The following CAND2 variants were observed in gnomAD, a reference collection of about 807,000 sequenced individuals.
CAND2 encodes the protein cullin associated and neddylation dissociated 2 (putative).
A neutral mutation model predicts 98.9 loss-of-function variants in CAND2; 62 were observed. The ratio of observed to expected loss-of-function variants is 0.63; its 90% CI spans 0.51 to 0.77. The LOEUF is 0.77. Ranked by LOEUF, CAND2 falls within the 30% of genes least tolerant of loss-of-function variation. The pLI, the probability that CAND2 is intolerant of heterozygous loss-of-function variation, is 0.00. For missense variants in CAND2, 1,501 were observed against 1,655.2 expected, an observed-to-expected ratio of 0.91 and a Z score of 1.62; for synonymous variants, 770 against 731.9, an observed-to-expected ratio of 1.05 and a Z score of -0.84.
intron 12 of CAND2, among the ~76,000 whole-genome samples, chr3:12,826,397 G>T (rs1326740490): frequency 1.3e-5 from 2 of 150,930 alleles, no homozygotes; most frequent in African/African-American, 2.4e-5. Context: ...AGGGCTTCAT[G>T]GTTGAAAGCT....
intron 4 of CAND2, 144 bp from the exon 5 acceptor site, chr3:12,809,915 C>A: frequency 1.2e-6 from 1 of 847,188 alleles, no homozygotes; most frequent in Non-Finnish European, 1.7e-6. Flanking sequence ...TTCCTCCTCA[C>A]AGTTGCAGGG....
At chr3:12,812,466 G>A (rs1277607688) in intron 5 of CAND2, among the ~76,000 whole-genome samples, 4 of 135,790 alleles carry the variant, frequency 2.9e-5, no homozygotes, top group Non-Finnish European at 6.2e-5. Context: ...CTGCAGTGGC[G>A]CAATCTCGGC....
At position 12,810,311 on chromosome 3, in the gene CAND2, C is replaced by A. The variant is rs532472799; in HGVS notation, c.744C>A (p.Ala248=). The A allele has an allele frequency of 5.3e-5, 77 of 1,456,386 alleles. No homozygotes were observed. The South Asian group carries it at 9.1e-4, about 17-fold the overall frequency. The allele number at this position is 1,456,386 out of a possible 1,614,324, so 90.2% of individuals were successfully genotyped here. Residue 248 remains alanine (A), a synonymous_variant, in exon 5 of 15, where the codon GCC becomes GCA. Transcript: ENST00000456430. ...IQCLGSVGRQ[A]GHRLGAHLDR... ...GTTTGGGCAGCGTCGGCCGCCAGGCCGGCCACCGCCTCGGTAAGGGGGCAG... is the reference window on the plus strand; with the variant it reads ...GTTTGGGCAGCGTCGGCCGCCAGGCAGGCCACCGCCTCGGTAAGGGGGCAG...
intron 12 of CAND2, 84 bp downstream of exon 12, chr3:12,825,723 C>A: frequency 7.1e-7 from 1 of 1,412,248 alleles, no homozygotes; most frequent in South Asian, 1.3e-5. Flanking sequence ...ATTATCTCAT[C>A]AGAGCAGGTG....
Position 12,815,330 on chromosome 3 carries a change from C to A in CAND2, c.1196C>A (p.Ala399Asp). 1 of 1,614,024 alleles carries A rather than the reference C, an allele frequency of 6.2e-7. No homozygotes were observed. The highest frequency in any genetic ancestry group is 8.5e-7 in the Non-Finnish European group (1 of 1,180,046). Reference sequence around the variant, plus strand: ...AACGTCAAGGCTGACGTCTTCACTGCTTACATCGTGCTGCTGCGGCAAACA... The same window carrying A: ...AACGTCAAGGCTGACGTCTTCACTGATTACATCGTGCTGCTGCGGCAAACA... ...EENVKADVFT[A>D]YIVLLRQTQP... Residue 399 changes from alanine (A) to aspartate (D), a missense_variant, in exon 8 of 15, where the codon GCT becomes GAT. Transcript: ENST00000456430. The surrounding 1 kb of genome is among the most constrained non-coding windows in gnomAD (Gnocchi z 5.7).
At chr3:12,797,920 C>T (rs1283848614) in intron 1 of CAND2, among the ~76,000 whole-genome samples, 1 of 152,038 alleles carries the variant, frequency 6.6e-6, no homozygotes, top group Non-Finnish European at 1.5e-5. Context: ...CTCCTGCAGC[C>T]CATTCCTCAG....
At chr3:12,804,334 G>A (rs1177659285) in intron 2 of CAND2, among the ~76,000 whole-genome samples, 3 of 151,998 alleles carry the variant, frequency 2.0e-5, no homozygotes, top group Non-Finnish European at 2.9e-5. Context: ...ATGGTGGTGC[G>A]TGCCTGTAAT....
At chr3:12,819,386 G>A (rs2061936150) in intron 10 of CAND2, among the ~76,000 whole-genome samples, 1 of 152,336 alleles carries the variant, frequency 6.6e-6, no homozygotes. Context: ...GGAGCAAAGG[G>A]GGCGAGCCAC....
At chr3:12,799,435 T>C (rs6810325) in intron 1 of CAND2, among the ~76,000 whole-genome samples, 99,547 of 152,004 alleles carry the variant, frequency 0.65, 33,870 homozygotes, top group African/African-American at 0.8. Context: ...CTTTTCCTTC[T>C]CTCTCCCATC....
intron 4 of CAND2, 137 bp from the exon 5 acceptor site, chr3:12,809,922 A>T: frequency 1.1e-6 from 1 of 906,974 alleles, no homozygotes; most frequent in Non-Finnish European, 1.5e-6. Flanking sequence ...TCACAGTTGC[A>T]GGGCACCTCT....
In CAND2 at chr3:12,816,004, A is replaced by G. The variant is rs2061896290; in HGVS notation, c.1437A>G (p.Val479=). ...GSLAEHMPVL[V]SGIIFSLADR... ...TGGCCGAGCATATGCCTGTGCTGGT[A>G]TCAGGTAGGCTGGACTGCAACCAGG... The change falls in exon 9 of 15, where the codon GTA becomes GTG. Residue 479 remains valine (V), a synonymous_variant. Coordinates refer to ENST00000456430, the MANE Select transcript of CAND2 (RefSeq NM_001162499.2). The G allele has an allele frequency of 6.2e-7, 1 of 1,613,278 alleles. No individual in the cohort carries two copies. Among genetic ancestry groups the G allele is most frequent in the East Asian group, 2.2e-5 (1 of 44,872 alleles).
In CAND2 at chr3:12,815,340, G is replaced by A. The variant is rs1575771340; in HGVS notation, c.1206G>A (p.Val402=). 6.2e-7 allele frequency: 1 copy of A among 1,613,998 alleles called. No homozygotes were observed. The highest frequency in any genetic ancestry group is 1.1e-5 in the South Asian group (1 of 91,086). The change falls in exon 8 of 15, where the codon GTG becomes GTA. Residue 402 remains valine (V), a synonymous_variant. Transcript: ENST00000456430. The surrounding 1 kb of genome is among the most constrained non-coding windows in gnomAD (Gnocchi z 5.7). ...VKADVFTAYI[V]LLRQTQPPKG... ...CTGACGTCTTCACTGCTTACATCGT[G>A]CTGCTGCGGCAAACACAGCCCCCGA...
chr3:12,799,590 G>A (rs1294480125), intron 1 of CAND2, among the ~76,000 whole-genome samples: 3 of 152,102 alleles, frequency 2.0e-5, no homozygotes, highest in Non-Finnish European at 2.9e-5. Flanking sequence ...TCTGTTAAGG[G>A]CTAGCTCTCT....
In CAND2 at chr3:12,833,847, C is replaced by T. The variant is rs1203533712; in HGVS notation, c.3576C>T (p.Pro1192=). 8.1e-6 allele frequency: 13 copies of T among 1,614,074 alleles called. No individual in the cohort carries two copies. The Admixed American group carries it at 1.2e-4, about 14-fold the overall frequency. ...CAGTGGCTGCCCTGCTGACCATCCC[C>T]GAGGTGGGGAAAAGCCCCATCATGG... ...MRAVAALLTI[P]EVGKSPIMAD... Residue 1192 remains proline (P), a synonymous_variant, in exon 15 of 15, where the codon CCC becomes CCT. Transcript: ENST00000456430.
chr3:12,802,056 G>A (rs1054639039), intron 1 of CAND2, among the ~76,000 whole-genome samples: 1 of 152,080 alleles, frequency 6.6e-6, no homozygotes, highest in Non-Finnish European at 1.5e-5. Flanking sequence ...GGCTGGGCGC[G>A]GTGGCTCACG....
chr3:12,813,807 G>A (rs2061874383), intron 7 of CAND2, among the ~76,000 whole-genome samples: 1 of 152,184 alleles, frequency 6.6e-6, no homozygotes, highest in South Asian at 2.1e-4. Flanking sequence ...ACCCAGCAGA[G>A]GAAAGCTCTG....
Position 12,808,193 on chromosome 3 carries a change from C to T in CAND2, c.368-17C>T. The T allele has an allele frequency of 1.3e-6, 2 of 1,550,626 alleles. No individual in the cohort carries two copies. The highest frequency in any genetic ancestry group is 1.7e-4 in the Middle Eastern group (1 of 5,896). ...CCAGGCCAGGGCCTCACTGTGCCCA[C>T]CTTGTGCCCTGTGCAGGCTCCGGGC... On this transcript the variant is annotated splice_polypyrimidine_tract_variant and intron_variant, in intron 3 of 14. Coordinates refer to ENST00000456430, the MANE Select transcript of CAND2 (RefSeq NM_001162499.2).
At chr3:12,831,397 T>C in intron 13 of CAND2, 68 bp from the exon 14 acceptor site, 1 of 1,321,060 alleles carries the variant, frequency 7.6e-7, no homozygotes, top group Non-Finnish European at 1.1e-6. Context: ...CTCTGCTCTT[T>C]CCCAGGGCTG....
chr3:12,803,288 G>C (rs1035668735), intron 1 of CAND2, among the ~76,000 whole-genome samples, 200 bp from the exon 2 acceptor site: 2 of 152,160 alleles, frequency 1.3e-5, no homozygotes, highest in Admixed American at 6.5e-5. Context: ...CATTGCGCCC[G>C]GCCAGCTCCA....
Sources: gnomAD v4.1 joint callset for allele counts (sites outside exome capture counted in the v4.1 genomes callset) on GRCh38, gnomAD v4.1.1 for gene constraint, Gnocchi (gnomAD v3.1) non-coding constraint, MANE v1.5 for transcripts, NCBI Gene and HGNC (gene_info 2026-07-23, HGNC 2026-07-21) for gene names.